The following SPOP variants were observed in gnomAD, a reference collection of about 807,000 sequenced individuals.
SPOP encodes the protein speckle-type POZ protein.
A neutral mutation model predicts 45.6 loss-of-function variants in SPOP; 11 were observed. The ratio of observed to expected loss-of-function variants is 0.24; its 90% CI spans 0.15 to 0.40. SPOP has a LOEUF of 0.40. Among genes scored for constraint, SPOP ranks in the 10% least tolerant of loss-of-function variants. The pLI is 1.00. For missense variants in SPOP, 152 were observed against 465.6 expected (o/e 0.33, Z 6.20); for synonymous variants, 166 against 166.3 (o/e 1.00, Z 0.01).
chr17:49,623,608 T>C (rs2072264272), intron 1 of SPOP, among the ~76,000 whole-genome samples: 2 of 152,198 alleles, frequency 1.3e-5, no homozygotes. Flanking sequence ...TATGCTTCAC[T>C]GCAAACTTAA....
In SPOP at chr17:49,600,275, A is replaced by T; in HGVS notation, c.*103T>A. 1 of 1,483,940 alleles carries T rather than the reference A, an allele frequency of 6.7e-7. No homozygotes were observed. The highest frequency in any genetic ancestry group is 9.3e-7 in the Non-Finnish European group (1 of 1,077,644). The allele number at this position is 1,483,940 out of a possible 1,614,324, so 91.9% of individuals were successfully genotyped here. On this transcript the variant is annotated 3_prime_UTR_variant, in exon 10 of 10. Coordinates refer to ENST00000504102, the MANE Select transcript of SPOP (RefSeq NM_001007228.2). The surrounding 1 kb of genome is among the most constrained non-coding windows in gnomAD (Gnocchi z 4.2). ...CAATGCAGTCTCTTCCCCTCACAAC[A>T]GAGTAAAAGCTCCACAGATTGCGCT...
Position 49,619,535 on chromosome 17 carries a change from T to G in SPOP, c.201-150A>C, listed in dbSNP as rs528561972. On this transcript the variant is annotated intron_variant, in intron 3 of 9. Transcript: ENST00000504102. The surrounding 1 kb of genome is among the most constrained non-coding windows in gnomAD (Gnocchi z 4.9). ...TAGAATGACTAGTTGGGAACAACTTTTTTCTCTTTTTTTTTGAGACATGGT... is the reference window on the plus strand; with the variant it reads ...TAGAATGACTAGTTGGGAACAACTTGTTTCTCTTTTTTTTTGAGACATGGT... The G allele has an allele frequency of 8.7e-5, 79 of 913,208 alleles. 1 individual carries two copies. The South Asian group carries it at 1.4e-3, about 16-fold the overall frequency. The allele number at this position is 913,208 out of a possible 1,614,324, so 56.6% of individuals were successfully genotyped here.
intron 3 of SPOP, among the ~76,000 whole-genome samples, chr17:49,621,081 T>G (rs1427948616): frequency 6.6e-6 from 1 of 152,224 alleles, no homozygotes; most frequent in African/African-American, 2.4e-5. Context: ...GGTATATGGT[T>G]GTATCCTCAA....
chr17:49,637,427 T>C (rs1288062937), intron 1 of SPOP, among the ~76,000 whole-genome samples: 1 of 152,106 alleles, frequency 6.6e-6, no homozygotes, highest in Non-Finnish European at 1.5e-5. Flanking sequence ...CTCAGCCCAC[T>C]GCAACCTCCA....
At chr17:49,664,174 C>G (rs1567802811) in intron 1 of SPOP, among the ~76,000 whole-genome samples, 1 of 152,196 alleles carries the variant, frequency 6.6e-6, no homozygotes, top group African/African-American at 2.4e-5. Flanking sequence ...TAACACTTGT[C>G]AAGTTTTGGT....
chr17:49,628,783 C>T (rs1353958221), intron 1 of SPOP, among the ~76,000 whole-genome samples: 4 of 152,194 alleles, frequency 2.6e-5, no homozygotes, highest in African/African-American at 9.7e-5. Flanking sequence ...ACAGATAATG[C>T]TTTCAACTGA....
intron 1 of SPOP, among the ~76,000 whole-genome samples, chr17:49,625,487 C>T (rs952146553): frequency 1.3e-5 from 2 of 151,996 alleles, no homozygotes; most frequent in African/African-American, 2.4e-5. Context: ...ATGCACCTGT[C>T]ATCCCAGCTA....
chr17:49,676,328 C>T (rs1385053149), intron 1 of SPOP, among the ~76,000 whole-genome samples: 1 of 152,092 alleles, frequency 6.6e-6, no homozygotes, highest in Non-Finnish European at 1.5e-5. Context: ...GATATATGCA[C>T]CCCAAATTTC....
chr17:49,632,550 T>C lies in SPOP; in HGVS notation c.-66-9674A>G, dbSNP rs183587890. 3.5e-3 allele frequency among the ~76,000 whole-genome samples: 527 copies of C among 152,104 alleles called. 2 individuals carry two copies. The Middle Eastern group carries it at 0.048, about 14-fold the overall frequency. On this transcript the variant is annotated intron_variant, in intron 1 of 9. Coordinates refer to ENST00000504102, the MANE Select transcript of SPOP (RefSeq NM_001007228.2). ...TCTTGTTGCCCAGGCTGGAGTGCAA[T>C]GGCATGGTCTCGGCTCACTGCAACC...
intron 1 of SPOP, among the ~76,000 whole-genome samples, chr17:49,634,250 CAT>C (rs1436459854): frequency 6.6e-6 from 1 of 152,178 alleles, no homozygotes. Flanking sequence ...AAATTAGAAT[CAT>C]GTGTTGATTC....
At position 49,622,975 on chromosome 17, in the gene SPOP, T is replaced by C. The variant is rs1382459429; in HGVS notation, c.-66-99A>G. ...AGAGGCTGGAAATTTTGTCTCCACA[T>C]TGTTTGAGTGGCTCCTTACCACTGA... On this transcript the variant is annotated intron_variant, in intron 1 of 9. Coordinates refer to ENST00000504102, the MANE Select transcript of SPOP (RefSeq NM_001007228.2). The C allele has an allele frequency of 2.1e-5, 13 of 606,134 alleles. No homozygotes were observed. The East Asian group carries it at 2.7e-4, about 12-fold the overall frequency. The allele number at this position is 606,134 out of a possible 1,614,324, so 37.5% of individuals were successfully genotyped here. A position where few individuals can be genotyped will look rare whatever the true frequency, so the allele number is the denominator to read the frequency against.
At chr17:49,665,754 C>T (rs905400471) in intron 1 of SPOP, among the ~76,000 whole-genome samples, 34 of 149,646 alleles carry the variant, frequency 2.3e-4, no homozygotes, top group Admixed American at 4.7e-4. Flanking sequence ...GAGGCTGAGG[C>T]GGGTGGATCA....
rs1597953764 is a variant in SPOP, at chr17:49,639,043, T to A, written c.-66-16167A>T. 2.6e-5 allele frequency among the ~76,000 whole-genome samples: 4 copies of A among 152,244 alleles called. No individual in the cohort carries two copies. In the East Asian group the frequency reaches 5.8e-4, roughly 22 times the overall value. ...ATTCATGCAACAAATATTTACTGAG[T>A]ACCAACTGCAGGGCATTCTTTGAGA... is the stretch of plus-strand genomic sequence containing the variant. On this transcript the variant is annotated intron_variant, in intron 1 of 9. Transcript: ENST00000504102.
intron 1 of SPOP, among the ~76,000 whole-genome samples, chr17:49,633,072 AG>A (rs2072482171): frequency 6.6e-6 from 1 of 152,244 alleles, no homozygotes; most frequent in South Asian, 2.1e-4. Context: ...GTTGTATATA[AG>A]GAAAACCTAG....
intron 1 of SPOP, among the ~76,000 whole-genome samples, chr17:49,645,867 CTGT>C (rs10571619): frequency 0.25 from 37,484 of 151,516 alleles, 4,719 homozygotes; most frequent in East Asian, 0.36. Context: ...CATCTCCAAC[CTGT>C]TGTTGTTTTT....
chr17:49,602,530 G>C (rs1341663842), intron 8 of SPOP: 1 of 152,488 alleles, frequency 6.6e-6, no homozygotes, highest in Non-Finnish European at 1.5e-5. Context: ...CAGTCCTTTT[G>C]ACTTAAGCAC....
chr17:49,606,736 C>A (rs1394568397), intron 8 of SPOP, among the ~76,000 whole-genome samples: 1 of 152,002 alleles, frequency 6.6e-6, no homozygotes, highest in Non-Finnish European at 1.5e-5. Flanking sequence ...CTCAGGTGAT[C>A]CACCTGCCTC....
intron 1 of SPOP, among the ~76,000 whole-genome samples, chr17:49,651,572 T>A (rs934594233): frequency 6.6e-5 from 10 of 152,248 alleles, no homozygotes; most frequent in African/African-American, 2.4e-4. Flanking sequence ...AATTTGACTC[T>A]GATTCTTAAG....
intron 5 of SPOP, 49 bp downstream of exon 5, chr17:49,618,932 A>G: frequency 1.3e-6 from 2 of 1,577,244 alleles, no homozygotes; most frequent in South Asian, 1.1e-5. Context: ...GTCTACCAAT[A>G]CTCATCAGAT....
Sources: allele counts gnomAD v4.1 joint callset (sites outside exome capture counted in the v4.1 genomes callset), GRCh38; gene constraint gnomAD v4.1.1; non-coding constraint Gnocchi (gnomAD v3.1); transcripts MANE v1.5; gene names NCBI Gene and HGNC (gene_info 2026-07-23, HGNC 2026-07-21).